The following HNRNPH3 variants were observed in gnomAD, a reference collection of about 807,000 sequenced individuals.
The protein encoded by HNRNPH3 is heterogeneous nuclear ribonucleoprotein 2H9.
HNRNPH3 carries 7 observed loss-of-function variants against 47.0 expected under a neutral mutation model. That is an observed-to-expected ratio of 0.15 (90% CI 0.08 to 0.28). The LOEUF (loss-of-function observed/expected upper bound fraction) is 0.28, where lower values mean the gene tolerates loss of function less well. Ranked by LOEUF, HNRNPH3 falls within the 10% of genes least tolerant of loss-of-function variation. HNRNPH3 has a pLI of 1.00. For synonymous variants in HNRNPH3, 120 were observed against 143.2 expected, an observed-to-expected ratio of 0.84 and a Z score of 1.16; for missense variants, 279 against 449.6, an observed-to-expected ratio of 0.62 and a Z score of 3.43.
rs1327239917 is a variant in HNRNPH3, at chr10:68,337,555, GATGAA to G, written c.112+228_112+232del. 4.2e-5 allele frequency: 23 copies of G among 551,934 alleles called. 1 individual carries two copies. The South Asian group carries it at 4.8e-4, about 12-fold the overall frequency. 34.2% of individuals were successfully genotyped at this position (551,934 alleles called of 1,614,324 possible). A position where few individuals can be genotyped will look rare whatever the true frequency, so the allele number is the denominator to read the frequency against. ...GTGCAGTAACATATTTGAGAATTGT[GATGAA>G]ATGAACCGTGAATTAGTATATGGAG... is the stretch of plus-strand genomic sequence containing the variant. On this transcript the variant is annotated intron_variant, in intron 2 of 9. Coordinates refer to ENST00000265866, the MANE Select transcript of HNRNPH3 (RefSeq NM_012207.3). The surrounding 1 kb of genome is among the most constrained non-coding windows in gnomAD (Gnocchi z 4.5).
intron 1 of HNRNPH3, among the ~76,000 whole-genome samples, chr10:68,336,352 G>A (rs928183790): frequency 1.3e-5 from 2 of 152,136 alleles, no homozygotes; most frequent in Non-Finnish European, 2.9e-5. Flanking sequence ...TCTGGGGAAG[G>A]GAACTGGGAA....
intron 6 of HNRNPH3, among the ~76,000 whole-genome samples, chr10:68,340,503 A>G (rs2045840341): frequency 1.3e-5 from 2 of 152,216 alleles, no homozygotes; most frequent in Admixed American, 6.5e-5. Flanking sequence ...ACTTCAGTCC[A>G]TGGGCTAAAT....
In HNRNPH3 at chr10:68,341,631, CTCTGGCATGGGAGGT is replaced by C. The variant is rs2045951515; in HGVS notation, c.828_842del (p.Ser280_Gly284del). 1 of 1,613,670 alleles carries C rather than the reference CTCTGGCATGGGAGGT, an allele frequency of 6.2e-7. No individual in the cohort carries two copies. Among genetic ancestry groups the C allele is most frequent in the South Asian group, 1.1e-5 (1 of 91,036 alleles). ...TCTTGAATTCTACTCCTGGAGGCGG[CTCTGGCATGGGAGGT>C]TCTGGAATGGGAGGCTACGGAAGAG... is the stretch of plus-strand genomic sequence containing the variant. On this transcript the variant is annotated inframe_deletion, in exon 8 of 10. Transcript: ENST00000265866.
chr10:68,334,281 A>G lies in HNRNPH3; in HGVS notation c.-24+2065A>G, dbSNP rs116644084. 7.8e-3 allele frequency among the ~76,000 whole-genome samples: 1,189 copies of G among 152,356 alleles called. 24 individuals carry two copies. Among genetic ancestry groups the G allele is most frequent in the African/African-American group, 0.028 (1,144 of 41,586 alleles). ...TAAAATTCATTCTCATTTCTTGACCACTGGGCTACCATTTAGAAAGTTATT... is the reference window on the plus strand; with the variant it reads ...TAAAATTCATTCTCATTTCTTGACCGCTGGGCTACCATTTAGAAAGTTATT... On this transcript the variant is annotated intron_variant, in intron 1 of 9. Coordinates refer to ENST00000265866, the MANE Select transcript of HNRNPH3 (RefSeq NM_012207.3).
intron 6 of HNRNPH3, among the ~76,000 whole-genome samples, chr10:68,339,899 G>A (rs2045771656): frequency 6.6e-6 from 1 of 152,108 alleles, no homozygotes; most frequent in Non-Finnish European, 1.5e-5. Flanking sequence ...TCCATTGTGT[G>A]TCAACCTACA....
chr10:68,341,805 C>T lies in HNRNPH3; in HGVS notation c.918C>T (p.Asn306=). 1.2e-6 allele frequency: 2 copies of T among 1,610,542 alleles called. No individual in the cohort carries two copies. The highest frequency in any genetic ancestry group is 1.7e-6 in the Non-Finnish European group (2 of 1,178,562). The change falls in exon 9 of 10, where the codon AAC becomes AAT. Residue 306 remains asparagine, a synonymous_variant. Transcript: ENST00000265866. ...YGSVGRMGMG[N]NYSGGYGTPD... ...CAGTTGGAAGAATGGGAATGGGGAA[C>T]AATTACAGTGGAGGATATGGTACTC...
intron 1 of HNRNPH3, among the ~76,000 whole-genome samples, chr10:68,334,106 G>A (rs571595836): frequency 6.6e-6 from 1 of 152,084 alleles, no homozygotes; most frequent in Non-Finnish European, 1.5e-5. Context: ...ATAAAAACCT[G>A]GTTCTAGTGA....
At chr10:68,333,983 T>A (rs529894429) in intron 1 of HNRNPH3, among the ~76,000 whole-genome samples, 1 of 152,302 alleles carries the variant, frequency 6.6e-6, no homozygotes, top group East Asian at 1.9e-4. Context: ...CTACACATCT[T>A]TTTTCTGTCC....
rs1158359396 is a variant in HNRNPH3 at position 68,342,354 on chromosome 10, A to G, written c.*300A>G. On this transcript the variant is annotated 3_prime_UTR_variant, in exon 10 of 10. Coordinates refer to ENST00000265866, the MANE Select transcript of HNRNPH3 (RefSeq NM_012207.3). ...AAGATTTGGGTTGATGTATTTTACT[A>G]TTAGTTCTACAAGAAGTAGTGTGGT... The G allele has an allele frequency of 1.2e-5, 3 of 255,026 alleles. No individual in the cohort carries two copies. The highest frequency in any genetic ancestry group is 4.9e-5 in the Admixed American group (1 of 20,304). 15.8% of individuals were successfully genotyped at this position (255,026 alleles called of 1,614,324 possible).
In HNRNPH3 at chr10:68,337,599, T is replaced by G; in HGVS notation, c.113-259T>G. 1 of 530,006 alleles carries G rather than the reference T, an allele frequency of 1.9e-6. No individual in the cohort carries two copies. The highest frequency in any genetic ancestry group is 1.9e-5 in the African/African-American group (1 of 52,574). The allele number at this position is 530,006 out of a possible 1,614,324, so 32.8% of individuals were successfully genotyped here. On this transcript the variant is annotated intron_variant, in intron 2 of 9. Coordinates refer to ENST00000265866, the MANE Select transcript of HNRNPH3 (RefSeq NM_012207.3). This position sits in a 1 kb window ranked among gnomAD's most constrained non-coding sequence, Gnocchi z 4.5. ...TAGTATATGGAGCATATATTTGATTTTGTAGCCTTTTTTCATGTAATATAG... is the reference window on the plus strand; with the variant it reads ...TAGTATATGGAGCATATATTTGATTGTGTAGCCTTTTTTCATGTAATATAG...
At position 68,337,731 on chromosome 10, in the gene HNRNPH3, T is replaced by C; in HGVS notation, c.113-127T>C. The stretch of plus-strand genomic sequence containing the variant: ...ATCTTTCATTTGTATTATGGGGTGA[T>C]GGGAAACTAAGCTTTTTTGTTTTGT... On this transcript the variant is annotated intron_variant, in intron 2 of 9. Transcript: ENST00000265866. This position sits in a 1 kb window ranked among gnomAD's most constrained non-coding sequence, Gnocchi z 4.5. 2 of 815,428 alleles carry C rather than the reference T, an allele frequency of 2.5e-6. No individual in the cohort carries two copies. The highest frequency in any genetic ancestry group is 3.8e-6 in the Non-Finnish European group (2 of 528,974). The allele number at this position is 815,428 out of a possible 1,614,324, so 50.5% of individuals were successfully genotyped here. A position where few individuals can be genotyped will look rare whatever the true frequency, so the allele number is the denominator to read the frequency against.
chr10:68,341,339 T>TG, intron 7 of HNRNPH3, 30 bp downstream of exon 7: 1 of 1,582,788 alleles, frequency 6.3e-7, no homozygotes, highest in South Asian at 1.2e-5. Context: ...CACAATCTTA[T>TG]TTCCTAAACG....
At chr10:68,331,834 C>G (rs1449634814), upstream of HNRNPH3, 1 of 152,548 alleles carries the variant, frequency 6.6e-6, no homozygotes, top group Middle Eastern at 3.4e-3. Flanking sequence ...CTGGATGGTT[C>G]TAACGTAAGC....
At chr10:68,339,337 C>A in intron 5 of HNRNPH3, 103 bp from the exon 6 acceptor site, 1 of 1,536,652 alleles carries the variant, frequency 6.5e-7, no homozygotes, top group Non-Finnish European at 8.9e-7. Flanking sequence ...AGACAAATTT[C>A]AGTGCATTCC....
rs1485803161 is a variant in HNRNPH3 at position 68,343,107 on chromosome 10, A to T, written c.*1053A>T. 1 of 152,242 alleles carries T rather than the reference A, an allele frequency of 6.6e-6. No individual in the cohort carries two copies. Among genetic ancestry groups the T allele is most frequent in the East Asian group, 1.9e-4 (1 of 5,204 alleles). 9.4% of individuals were successfully genotyped at this position (152,242 alleles called of 1,614,324 possible). ...CCAAATTGGCTAATGGATCAAAATG[A>T]AACCTGTTGATGTGAATTCAGTTAT... On this transcript the variant is annotated 3_prime_UTR_variant, in exon 10 of 10. Transcript: ENST00000265866.
chr10:68,332,684 G>A (rs897662353), intron 1 of HNRNPH3: 2 of 152,454 alleles, frequency 1.3e-5, no homozygotes, highest in Admixed American at 6.5e-5. Flanking sequence ...TGGGTGGAGG[G>A]AGGATCGGGT....
rs779097052 is a variant in HNRNPH3, at chr10:68,338,668, A to T, written c.417A>T (p.Gly139=). Residue 139 remains glycine (G), a synonymous_variant, in exon 4 of 10, where the codon GGA becomes GGT. Transcript: ENST00000265866. ...RGSMYDRMRR[G]GDGYDGGYGG... ...GTATGTATGACAGAATGCGACGAGG[A>T]GGTGATGGATATGATGGTGGTATGT... 11 of 1,598,094 alleles carry T rather than the reference A, an allele frequency of 6.9e-6. No homozygotes were observed. The highest frequency in any genetic ancestry group is 1.7e-5 in the Admixed American group (1 of 57,200).
At chr10:68,338,076 G>A in intron 3 of HNRNPH3, 80 bp downstream of exon 3, 2 of 1,073,354 alleles carry the variant, frequency 1.9e-6, no homozygotes, top group Non-Finnish European at 2.6e-6. Context: ...TGGGGGGGTA[G>A]CCATAACATT....
rs544977660 is a variant in HNRNPH3, at chr10:68,337,508, G to C, written c.112+175G>C. ...GTTAATATTCAATACAGAATGTGTA[G>C]AATATGTAAAACCTAGTTAATGTGC... On this transcript the variant is annotated intron_variant, in intron 2 of 9. Coordinates refer to ENST00000265866, the MANE Select transcript of HNRNPH3 (RefSeq NM_012207.3). The surrounding 1 kb of genome is among the most constrained non-coding windows in gnomAD (Gnocchi z 4.5). The C allele has an allele frequency of 1.8e-4, 103 of 577,030 alleles. No individual in the cohort carries two copies. The highest frequency in any genetic ancestry group is 1.7e-3 in the Middle Eastern group (4 of 2,368). 35.7% of individuals were successfully genotyped at this position (577,030 alleles called of 1,614,324 possible). A position where few individuals can be genotyped will look rare whatever the true frequency, so the allele number is the denominator to read the frequency against.
Sources: gnomAD v4.1 joint callset for allele counts (sites outside exome capture counted in the v4.1 genomes callset) on GRCh38, gnomAD v4.1.1 for gene constraint, Gnocchi (gnomAD v3.1) non-coding constraint, MANE v1.5 for transcripts, NCBI Gene and HGNC (gene_info 2026-07-23, HGNC 2026-07-21) for gene names.